Variants in TRPC4 observed in about 807,000 individuals in gnomAD.
TRPC4 encodes transient receptor potential cation channel subfamily C member 4.
In TRPC4, 49 loss-of-function variants were observed where a neutral mutation model predicts 99.4. The observed-to-expected ratio is 0.49, with a 90% CI of 0.39 to 0.63. The LOEUF (loss-of-function observed/expected upper bound fraction) is 0.63. Ranked by LOEUF, TRPC4 falls within the 20% of genes least tolerant of loss-of-function variation. TRPC4 has a pLI of 0.00. For missense variants in TRPC4, 898 were observed against 1,152.9 expected (o/e 0.78, Z 3.20); for synonymous variants, 454 against 425.9 (o/e 1.07, Z -0.81).
rs913872104 is a variant in TRPC4, at chr13:37,743,487, G to A, written c.897+2450C>T. On this transcript the variant is annotated intron_variant, in intron 3 of 10. Coordinates refer to ENST00000379705, the MANE Select transcript of TRPC4 (RefSeq NM_016179.4). ...AGAAGAACATAAGCAAAGAAAACAC[G>A]TTCAGTAAGGAAGAACATTTTTAGT... is the stretch of plus-strand genomic sequence containing the variant. 5.3e-5 allele frequency among the ~76,000 whole-genome samples: 8 copies of A among 152,074 alleles called. No individual in the cohort carries two copies. In the East Asian group the frequency reaches 1.5e-3, roughly 29 times the overall value.
Position 37,636,861 on chromosome 13 carries a change from G to C in TRPC4, c.*42C>G. ...ATTTTCCCCCACCCAGAGCACTACG[G>C]AAAATACGTATGTGTATGGTAAACG... On this transcript the variant is annotated 3_prime_UTR_variant, in exon 11 of 11. Transcript: ENST00000379705. 6.4e-7 allele frequency: 1 copy of C among 1,563,772 alleles called. No individual in the cohort carries two copies. Among genetic ancestry groups the C allele is most frequent in the East Asian group, 2.2e-5 (1 of 44,474 alleles).
chr13:37,760,140 T>C (rs1012323035), intron 2 of TRPC4, among the ~76,000 whole-genome samples: 1 of 151,996 alleles, frequency 6.6e-6, no homozygotes, highest in Non-Finnish European at 1.5e-5. Context: ...TTCTACTTTC[T>C]ATCAGACATT....
chr13:37,830,460 G>A (rs1326401593), intron 1 of TRPC4, among the ~76,000 whole-genome samples: 2 of 151,912 alleles, frequency 1.3e-5, no homozygotes, highest in African/African-American at 4.8e-5. Flanking sequence ...TGTAATCCCA[G>A]CATTTTGGGA....
chr13:37,784,296 G>A lies in TRPC4; in HGVS notation c.-27-936C>T, dbSNP rs1017966617. ...AAAATAACAATAAACCACAAGGCAGGAATGTATTCATTATAATTTTTTTAT... is the reference window on the plus strand; with the variant it reads ...AAAATAACAATAAACCACAAGGCAGAAATGTATTCATTATAATTTTTTTAT... On this transcript the variant is annotated intron_variant, in intron 1 of 10. Transcript: ENST00000379705. Among the ~76,000 whole-genome samples the A allele has an allele frequency of 2.6e-5, 4 of 151,926 alleles. No individual in the cohort carries two copies. The East Asian group carries it at 7.7e-4, about 29-fold the overall frequency.
chr13:37,684,136 T>C (rs1953368045), intron 4 of TRPC4, among the ~76,000 whole-genome samples: 2 of 152,202 alleles, frequency 1.3e-5, no homozygotes, highest in African/African-American at 4.8e-5. Flanking sequence ...ACTTTTGGAA[T>C]TTCTAAATCA....
In TRPC4 at chr13:37,635,525, G is replaced by C. The variant is rs948273322; in HGVS notation, c.*1378C>G. ...GAGTGCCATAACATTATTCAGTTTG[G>C]GGCCAATGATAAATCACATGCAATT... On this transcript the variant is annotated 3_prime_UTR_variant, in exon 11 of 11. Transcript: ENST00000379705. Among the ~76,000 whole-genome samples the C allele has an allele frequency of 6.6e-6, 1 of 151,980 alleles. No individual in the cohort carries two copies. Among genetic ancestry groups the C allele is most frequent in the African/African-American group, 2.4e-5 (1 of 41,386 alleles).
chr13:37,827,961 A>T (rs943106068), intron 1 of TRPC4, among the ~76,000 whole-genome samples: 1 of 152,090 alleles, frequency 6.6e-6, no homozygotes, highest in African/African-American at 2.4e-5. Context: ...CAGGTGCGGG[A>T]TATAATCTCG....
intron 1 of TRPC4, among the ~76,000 whole-genome samples, chr13:37,816,522 C>T (rs2139506014): frequency 6.6e-6 from 1 of 152,086 alleles, no homozygotes; most frequent in African/African-American, 2.4e-5. Flanking sequence ...CTCCCTAACT[C>T]ATTCAATGAG....
In TRPC4 at chr13:37,783,255, A is replaced by T; in HGVS notation, c.79T>A (p.Ser27Thr). Residue 27 changes from serine to threonine, a missense_variant, in exon 2 of 11, where the codon TCA becomes ACA. This residue lies in a region of TRPC4 where 278 missense variants were observed against 346.6 expected (regional missense o/e 0.80). Coordinates refer to ENST00000379705, the MANE Select transcript of TRPC4 (RefSeq NM_016179.4). Reference protein sequence around the residue: ...RIPLRIVRAESELSPSEKAYL... With the variant: ...RIPLRIVRAETELSPSEKAYL... ...GCTTTTTCTGATGGCGAGAGTTCTG[A>T]TTCTGCTCTTACTATCCTTAGAGGG... 2.5e-6 allele frequency: 4 copies of T among 1,613,610 alleles called. No homozygotes were observed. The highest frequency in any genetic ancestry group is 3.4e-6 in the Non-Finnish European group (4 of 1,179,748).
At chr13:37,804,254 A>AAAT (rs1957476010) in intron 1 of TRPC4, among the ~76,000 whole-genome samples, 1 of 152,054 alleles carries the variant, frequency 6.6e-6, no homozygotes, top group Admixed American at 6.6e-5. Flanking sequence ...ATCTCATTTT[A>AAAT]TTCTCACAGC....
chr13:37,831,935 G>A (rs529320638), intron 1 of TRPC4, among the ~76,000 whole-genome samples: 28 of 152,256 alleles, frequency 1.8e-4, no homozygotes, highest in African/African-American at 6.7e-4. Flanking sequence ...CAAGGTTTCA[G>A]TTAAGGCAGG....
chr13:37,815,317 A>G (rs1450378577), intron 1 of TRPC4, among the ~76,000 whole-genome samples: 1 of 151,968 alleles, frequency 6.6e-6, no homozygotes, highest in Non-Finnish European at 1.5e-5. Flanking sequence ...CAAAAGGCAA[A>G]GAGGGGTAAG....
chr13:37,718,028 T>C (rs1229590888), intron 3 of TRPC4, among the ~76,000 whole-genome samples: 2 of 152,058 alleles, frequency 1.3e-5, no homozygotes, highest in Admixed American at 6.6e-5. Context: ...TGGTACATTG[T>C]GGAGTGGCAA....
At chr13:37,711,884 G>T (rs1366543241) in intron 3 of TRPC4, among the ~76,000 whole-genome samples, 1 of 151,520 alleles carries the variant, frequency 6.6e-6, no homozygotes, top group African/African-American at 2.4e-5. Flanking sequence ...TTTAATAATG[G>T]CATTTAACAT....
chr13:37,696,143 C>A (rs879236934), intron 3 of TRPC4, among the ~76,000 whole-genome samples: 1 of 152,118 alleles, frequency 6.6e-6, no homozygotes. Flanking sequence ...AAGAAGAGCG[C>A]TTGTGCAGGG....
intron 2 of TRPC4, among the ~76,000 whole-genome samples, chr13:37,774,624 G>C (rs978099731): frequency 1.3e-5 from 2 of 151,524 alleles, no homozygotes; most frequent in African/African-American, 4.8e-5. Context: ...AGTACCTATT[G>C]GTTATTTTCC....
intron 1 of TRPC4, among the ~76,000 whole-genome samples, chr13:37,823,898 T>C (rs1243581679): frequency 8.7e-5 from 13 of 150,136 alleles, no homozygotes; most frequent in African/African-American, 9.8e-5. Flanking sequence ...TTCTTCCTAC[T>C]CATGAGCATG....
At chr13:37,646,207 T>C (rs1951856775) in intron 8 of TRPC4, among the ~76,000 whole-genome samples, 1 of 152,222 alleles carries the variant, frequency 6.6e-6, no homozygotes, top group Non-Finnish European at 1.5e-5. Context: ...ATTCCACCTG[T>C]ATCTCAGAGC....
At chr13:37,742,935 A>G (rs955303988) in intron 3 of TRPC4, among the ~76,000 whole-genome samples, 8 of 152,210 alleles carry the variant, frequency 5.3e-5, no homozygotes, top group African/African-American at 1.7e-4. Flanking sequence ...AAATAATGCT[A>G]TCAGTTATCC....
Sources: allele counts gnomAD v4.1 joint callset (sites outside exome capture counted in the v4.1 genomes callset), GRCh38; gene constraint gnomAD v4.1.1; regional missense constraint gnomAD v4.1.1; transcripts MANE v1.5; gene names NCBI Gene and HGNC (gene_info 2026-07-23, HGNC 2026-07-21).